The following SASH1 variants were observed in gnomAD, a reference collection of about 807,000 sequenced individuals.
SASH1 encodes SAM and SH3 domain-containing protein 1.
SASH1 carries 44 observed loss-of-function variants against 125.2 expected under a neutral mutation model. The observed-to-expected ratio is 0.35, with a 90% CI of 0.28 to 0.45. The LOEUF (loss-of-function observed/expected upper bound fraction) is 0.45, where lower values mean the gene tolerates loss of function less well. Ranked by LOEUF, SASH1 falls within the 20% of genes least tolerant of loss-of-function variation. The pLI, the probability that SASH1 is intolerant of heterozygous loss-of-function variation, is 1.00. For synonymous variants in SASH1, 639 were observed against 649.1 expected, an observed-to-expected ratio of 0.98 and a Z score of 0.24; for missense variants, 1,426 against 1,614.5, an observed-to-expected ratio of 0.88 and a Z score of 2.00.
At chr6:148,537,639 C>T (rs1327591706) in intron 16 of SASH1, among the ~76,000 whole-genome samples, 2 of 151,998 alleles carry the variant, frequency 1.3e-5, no homozygotes, top group Non-Finnish European at 2.9e-5. Flanking sequence ...TGGTGTAAGC[C>T]CACAGAAAGT....
At chr6:148,449,842 G>T (rs1777012025) in intron 4 of SASH1, among the ~76,000 whole-genome samples, 1 of 152,154 alleles carries the variant, frequency 6.6e-6, no homozygotes. Flanking sequence ...TGTGTGAAGA[G>T]CCAGGACCAA....
At chr6:148,259,517 T>G in the SASH1 span, among the ~76,000 whole-genome samples, 1 of 152,196 alleles carries the variant, frequency 6.6e-6, no homozygotes, top group African/African-American at 2.4e-5. Context: ...ATTCGGTCCT[T>G]CACCCATCCT....
chr6:148,451,948 G>A (rs113557300), intron 4 of SASH1, among the ~76,000 whole-genome samples: 3,291 of 152,144 alleles, frequency 0.022, 98 homozygotes, highest in African/African-American at 0.072. Flanking sequence ...TGTGCCCTGC[G>A]CCTGGGGCCT....
At chr6:148,506,021 G>T (rs1057253021) in intron 8 of SASH1, among the ~76,000 whole-genome samples, 2 of 151,310 alleles carry the variant, frequency 1.3e-5, no homozygotes, top group African/African-American at 4.9e-5. Flanking sequence ...TGCCCACCTC[G>T]GCCTCCCAAA....
intron 7 of SASH1, among the ~76,000 whole-genome samples, chr6:148,476,244 C>T (rs1405426661): frequency 5.0e-5 from 2 of 40,396 alleles, no homozygotes; most frequent in Non-Finnish European, 9.7e-5. Flanking sequence ...ATAATGAAAA[C>T]AATAAAACAT....
intron 2 of SASH1, among the ~76,000 whole-genome samples, chr6:148,398,105 G>A (rs1784030695): frequency 6.6e-6 from 1 of 152,164 alleles, no homozygotes; most frequent in Non-Finnish European, 1.5e-5. Flanking sequence ...AAAAATGGAG[G>A]GAGGGGTAAA....
chr6:148,362,104 T>C (rs556816442), intron 1 of SASH1, among the ~76,000 whole-genome samples: 10 of 151,810 alleles, frequency 6.6e-5, no homozygotes, highest in South Asian at 4.2e-4. Context: ...GTTTGTTGTA[T>C]TTTTAGTAGA....
the SASH1 span, among the ~76,000 whole-genome samples, chr6:148,241,089 A>G: frequency 6.6e-6 from 1 of 151,354 alleles, no homozygotes; most frequent in Admixed American, 6.6e-5. Flanking sequence ...AAAGGCCATC[A>G]AGGGGAAAAA....
At chr6:148,356,652 TAG>T (rs1781958244) in intron 1 of SASH1, among the ~76,000 whole-genome samples, 1 of 150,346 alleles carries the variant, frequency 6.7e-6, no homozygotes, top group Non-Finnish European at 1.5e-5. Context: ...GTATTTTTAG[TAG>T]AGACAGGCCA....
intron 1 of SASH1, among the ~76,000 whole-genome samples, chr6:148,284,472 T>G (rs1033941953): frequency 1.3e-5 from 2 of 152,204 alleles, no homozygotes; most frequent in Non-Finnish European, 2.9e-5. Flanking sequence ...TTCTACTGTA[T>G]GAAAATTAAA....
At chr6:148,425,679 T>C (rs1027421418) in intron 2 of SASH1, among the ~76,000 whole-genome samples, 1 of 147,110 alleles carries the variant, frequency 6.8e-6, no homozygotes, top group African/African-American at 2.5e-5. Flanking sequence ...TTTTTTCTCT[T>C]TCCCCTCCCC....
At chr6:148,308,627 G>A (rs989348515) in intron 1 of SASH1, among the ~76,000 whole-genome samples, 7 of 150,374 alleles carry the variant, frequency 4.7e-5, no homozygotes, top group Admixed American at 1.3e-4. Flanking sequence ...AACTCCTGAC[G>A]TCAGGTGATC....
At chr6:148,463,533 C>T (rs561493982) in intron 4 of SASH1, among the ~76,000 whole-genome samples, 2 of 152,322 alleles carry the variant, frequency 1.3e-5, no homozygotes, top group South Asian at 4.1e-4. Flanking sequence ...CCACTGGCTG[C>T]TCCTCCTAAG....
At chr6:148,193,926 GGT>G in the SASH1 span, among the ~76,000 whole-genome samples, 2 of 152,098 alleles carry the variant, frequency 1.3e-5, no homozygotes, top group African/African-American at 4.8e-5. Context: ...ATTATTCTAA[GGT>G]AGATTTTTAA....
At chr6:148,368,138 T>C (rs960287530) in intron 1 of SASH1, among the ~76,000 whole-genome samples, 1 of 152,244 alleles carries the variant, frequency 6.6e-6, no homozygotes, top group Non-Finnish European at 1.5e-5. Flanking sequence ...CCTCAGTAGA[T>C]GGCTTTATAG....
At chr6:148,478,049 G>A (rs563219459) in intron 7 of SASH1, among the ~76,000 whole-genome samples, 1 of 152,234 alleles carries the variant, frequency 6.6e-6, no homozygotes, top group African/African-American at 2.4e-5. Flanking sequence ...TTAAGGATAT[G>A]GAGAAAGGGG....
chr6:148,445,573 G>A (rs1439988062), intron 4 of SASH1, among the ~76,000 whole-genome samples: 2 of 152,186 alleles, frequency 1.3e-5, no homozygotes, highest in South Asian at 2.1e-4. Context: ...TGGGTCCAGG[G>A]CTGGCTCCAT....
chr6:148,304,456 A>G (rs1453982282), intron 1 of SASH1, among the ~76,000 whole-genome samples: 1 of 148,732 alleles, frequency 6.7e-6, no homozygotes, highest in African/African-American at 2.5e-5. Flanking sequence ...GAAAAGAAAA[A>G]AAAAATTAGC....
chr6:148,449,078 C>CTTTTTCTTTTTTTTTTTCTTT, intron 4 of SASH1, among the ~76,000 whole-genome samples: 16 of 88,722 alleles, frequency 1.8e-4, no homozygotes, highest in South Asian at 3.5e-4. Flanking sequence ...CATTTCATTT[C>CTTTTTCTTTTTTTTTTTCTTT]TTTTTTTTTT....
Sources: allele counts gnomAD v4.1 joint callset (sites outside exome capture counted in the v4.1 genomes callset), GRCh38; gene constraint gnomAD v4.1.1; transcripts MANE v1.5; gene names NCBI Gene and HGNC (gene_info 2026-07-23, HGNC 2026-07-21).